The following ALG11 variants were observed in gnomAD, a reference collection of about 807,000 sequenced individuals.
ALG11 encodes the protein GDP-Man:Man(3)GlcNAc(2)-PP-Dol alpha-1,2-mannosyltransferase.
A neutral mutation model predicts 38.8 loss-of-function variants in ALG11; 26 were observed. That is an observed-to-expected ratio of 0.67 (90% CI 0.49 to 0.93). The LOEUF (loss-of-function observed/expected upper bound fraction) is 0.93. Ranked by LOEUF, ALG11 falls within the 40% of genes least tolerant of loss-of-function variation. ALG11 has a pLI of 0.00. For synonymous variants in ALG11, 199 were observed against 211.6 expected, an observed-to-expected ratio of 0.94 and a Z score of 0.52; for missense variants, 535 against 578.8, an observed-to-expected ratio of 0.92 and a Z score of 0.78.
chr13:52,030,162 A>G lies in ALG11; in HGVS notation c.*1572A>G. The G allele has an allele frequency of 1.2e-6, 2 of 1,614,208 alleles. No homozygotes were observed. The highest frequency in any genetic ancestry group is 1.7e-6 in the Non-Finnish European group (2 of 1,180,032). The stretch of plus-strand genomic sequence containing the variant: ...GAAACAAAAGATTCTAGCAGCCAGG[A>G]GGTGCTGTCCGAATTGAGGGCACTA... On this transcript the variant is annotated 3_prime_UTR_variant, in exon 4 of 4. Coordinates refer to ENST00000521508, the MANE Select transcript of ALG11 (RefSeq NM_001004127.3).
At position 52,028,703 on chromosome 13, in the gene ALG11, G is replaced by C; in HGVS notation, c.*113G>C. ...TCAAATCATTTTACTTTAGAAAACA[G>C]ACAAAATTTCCTTTTAGAATAAAAG... is the stretch of plus-strand genomic sequence containing the variant. On this transcript the variant is annotated 3_prime_UTR_variant, in exon 4 of 4. Transcript: ENST00000521508. The C allele has an allele frequency of 1.3e-6, 2 of 1,576,380 alleles. No individual in the cohort carries two copies. Among genetic ancestry groups the C allele is most frequent in the Non-Finnish European group, 1.7e-6 (2 of 1,154,916 alleles).
At chr13:52,012,561 G>T in intron 1 of ALG11, 99 bp downstream of exon 1, 1 of 1,511,164 alleles carries the variant, frequency 6.6e-7, no homozygotes, top group Admixed American at 1.8e-5. Flanking sequence ...GGCCTTCCTT[G>T]TCATGAATCT....
In ALG11 at chr13:52,029,320, T is replaced by C. The variant is rs372860533; in HGVS notation, c.*730T>C. On this transcript the variant is annotated 3_prime_UTR_variant, in exon 4 of 4. Coordinates refer to ENST00000521508, the MANE Select transcript of ALG11 (RefSeq NM_001004127.3). Reference sequence around the variant, plus strand: ...AGCCAGCCATTGCTCCCATTGAACATGCGCTCAGTGGCTGGAAGGCAAGAA... The same window carrying C: ...AGCCAGCCATTGCTCCCATTGAACACGCGCTCAGTGGCTGGAAGGCAAGAA... 29 of 1,614,030 alleles carry C rather than the reference T, an allele frequency of 1.8e-5. No individual in the cohort carries two copies. The highest frequency in any genetic ancestry group is 2.4e-5 in the Non-Finnish European group (28 of 1,180,032).
intron 2 of ALG11, chr13:52,023,610 A>G (rs2140837801): frequency 6.6e-6 from 1 of 152,412 alleles, no homozygotes; most frequent in South Asian, 2.1e-4. Context: ...AAAAAAAAAA[A>G]TCAAATCTTC....
rs748893269 is a variant in ALG11, at chr13:52,012,481, G to A, written c.44+19G>A. 6.9e-5 allele frequency: 111 copies of A among 1,613,958 alleles called. No homozygotes were observed. Among genetic ancestry groups the A allele is most frequent in the Non-Finnish European group, 8.9e-5 (105 of 1,180,050 alleles). ...TGTTGAGGTGAGCAGCCGGTCGTGT[G>A]GGCTCACAGACGTTTTCTCTTCTGT... On this transcript the variant is annotated intron_variant, in intron 1 of 3. Coordinates refer to ENST00000521508, the MANE Select transcript of ALG11 (RefSeq NM_001004127.3).
intron 1 of ALG11, among the ~76,000 whole-genome samples, chr13:52,013,137 G>A (rs760113532): frequency 1.3e-5 from 2 of 152,080 alleles, no homozygotes; most frequent in Non-Finnish European, 2.9e-5. Context: ...AAACTCCCAG[G>A]CTTTTTTCCA....
chr13:52,028,885 G>A lies in ALG11; in HGVS notation c.*295G>A, dbSNP rs1954268629. 6.2e-7 allele frequency: 1 copy of A among 1,614,228 alleles called. No homozygotes were observed. Among genetic ancestry groups the A allele is most frequent in the Non-Finnish European group, 8.5e-7 (1 of 1,180,034 alleles). ...TGGATTTGCCAAAAAACTACCCCTT[G>A]AGTGAAAATGAAGATGAGGGGGACA... On this transcript the variant is annotated 3_prime_UTR_variant, in exon 4 of 4. Coordinates refer to ENST00000521508, the MANE Select transcript of ALG11 (RefSeq NM_001004127.3).
Position 52,031,085 on chromosome 13 carries a change from A to G in ALG11, c.*2495A>G, listed in dbSNP as rs1302400768. 2 of 1,611,420 alleles carry G rather than the reference A, an allele frequency of 1.2e-6. No homozygotes were observed. The highest frequency in any genetic ancestry group is 2.2e-5 in the East Asian group (1 of 44,866). ...TCCAAAACGAATCACCACACGTCAC[A>G]ATAAAGAAGAAAAACTGTAGGTTGT... On this transcript the variant is annotated 3_prime_UTR_variant, in exon 4 of 4. Coordinates refer to ENST00000521508, the MANE Select transcript of ALG11 (RefSeq NM_001004127.3).
In ALG11 at chr13:52,029,007, T is replaced by C; in HGVS notation, c.*417T>C. The C allele has an allele frequency of 1.2e-6, 2 of 1,614,246 alleles. No individual in the cohort carries two copies. The highest frequency in any genetic ancestry group is 1.7e-6 in the Non-Finnish European group (2 of 1,180,038). ...TTGGCTGAGAGGTCTGAGGCTAGTC[T>C]GAAAGTGTCAGAGTTCAGTGTCAGT... On this transcript the variant is annotated 3_prime_UTR_variant, in exon 4 of 4. Transcript: ENST00000521508.
rs111716282 is a variant in ALG11, at chr13:52,012,487, A to G, written c.44+25A>G. 1.0e-3 allele frequency: 1,682 copies of G among 1,614,026 alleles called. 11 individuals carry two copies. The Middle Eastern group carries it at 0.014, about 14-fold the overall frequency. On this transcript the variant is annotated intron_variant, in intron 1 of 3. Coordinates refer to ENST00000521508, the MANE Select transcript of ALG11 (RefSeq NM_001004127.3). The stretch of plus-strand genomic sequence containing the variant: ...GGTGAGCAGCCGGTCGTGTGGGCTC[A>G]CAGACGTTTTCTCTTCTGTAGGGGT...
chr13:52,029,899 G>C lies in ALG11; in HGVS notation c.*1309G>C. On this transcript the variant is annotated 3_prime_UTR_variant, in exon 4 of 4. Transcript: ENST00000521508. ...CTCATGTAGCGAATGAAGTGCAGAT[G>C]AATGTGGACGGACCGAATCCCTGGA... 1 of 1,614,208 alleles carries C rather than the reference G, an allele frequency of 6.2e-7. No individual in the cohort carries two copies. The highest frequency in any genetic ancestry group is 8.5e-7 in the Non-Finnish European group (1 of 1,180,036).
Position 52,024,098 on chromosome 13 carries a change from G to A in ALG11, c.368G>A (p.Arg123Lys). ...LEGAFRRFNIRLIHPVQFVFL... is the reference protein window; with the variant it reads ...LEGAFRRFNIKLIHPVQFVFL... ...GGTGCTTTCAGAAGATTTAACATCA[G>A]ATTAATTCACCCAGTGCAGTTTGTT... is the stretch of plus-strand genomic sequence containing the variant. The change falls in exon 3 of 4, where the codon AGA becomes AAA. Residue 123 changes from arginine to lysine, a missense_variant. Transcript: ENST00000521508. 6.2e-7 allele frequency: 1 copy of A among 1,614,104 alleles called. No individual in the cohort carries two copies. The highest frequency in any genetic ancestry group is 8.5e-7 in the Non-Finnish European group (1 of 1,179,992).
At position 52,032,604 on chromosome 13, in the gene ALG11, C is replaced by G. The variant is rs1019725978; in HGVS notation, c.*4014C>G. On this transcript the variant is annotated 3_prime_UTR_variant, in exon 4 of 4. Coordinates refer to ENST00000521508, the MANE Select transcript of ALG11 (RefSeq NM_001004127.3). ...TCATTCATCAATGTGGCCAGCTTAT[C>G]TACTCCCAATTATGTTGTTGATACA... 10 of 167,080 alleles carry G rather than the reference C, an allele frequency of 6.0e-5. No individual in the cohort carries two copies. Among genetic ancestry groups the G allele is most frequent in the Admixed American group, 4.6e-4 (7 of 15,288 alleles). The allele number at this position is 167,080 out of a possible 1,614,324, so 10.3% of individuals were successfully genotyped here.
chr13:52,028,816 C>T lies in ALG11; in HGVS notation c.*226C>T, dbSNP rs1954267390. 3.1e-6 allele frequency: 5 copies of T among 1,614,204 alleles called. No homozygotes were observed. Among genetic ancestry groups the T allele is most frequent in the African/African-American group, 1.3e-5 (1 of 75,054 alleles). ...GGCTGGCTGCTGAGATGAATGTGAA[C>T]CAGGTTGCAGAGAATCTGGCTTTGA... On this transcript the variant is annotated 3_prime_UTR_variant, in exon 4 of 4. Coordinates refer to ENST00000521508, the MANE Select transcript of ALG11 (RefSeq NM_001004127.3).
chr13:52,016,692 C>T (rs1477295505), intron 1 of ALG11: 4 of 152,282 alleles, frequency 2.6e-5, no homozygotes, highest in South Asian at 4.1e-4. Flanking sequence ...ATTTGGGAAC[C>T]TCTACCTAGA....
chr13:52,015,488 G>A (rs1209589920), intron 1 of ALG11, among the ~76,000 whole-genome samples: 1 of 152,142 alleles, frequency 6.6e-6, no homozygotes, highest in South Asian at 2.1e-4. Context: ...TGGTTTGGCC[G>A]TGACCCCACC....
In ALG11 at chr13:52,031,635, TC is replaced by T. The variant is rs1229239781; in HGVS notation, c.*3046del. 1.2e-5 allele frequency: 2 copies of T among 171,650 alleles called. No individual in the cohort carries two copies. Among genetic ancestry groups the T allele is most frequent in the Non-Finnish European group, 2.8e-5 (2 of 70,742 alleles). 10.6% of individuals were successfully genotyped at this position (171,650 alleles called of 1,614,324 possible). Reference sequence around the variant, plus strand: ...ATTCAAGAGAACCTCAGGCTGTTTTTCTGACAGTGATGATATGATATACAGA... The same window carrying T: ...ATTCAAGAGAACCTCAGGCTGTTTTTTGACAGTGATGATATGATATACAGA... On this transcript the variant is annotated 3_prime_UTR_variant, in exon 4 of 4. Coordinates refer to ENST00000521508, the MANE Select transcript of ALG11 (RefSeq NM_001004127.3).
At chr13:52,018,843 G>A (rs1271456085) in intron 1 of ALG11, 70 bp from the exon 2 acceptor site, 8 of 1,297,944 alleles carry the variant, frequency 6.2e-6, no homozygotes, top group Non-Finnish European at 6.6e-6. Context: ...ATATGTAAAA[G>A]CAGACTTTAA....
rs762249565 is a variant in ALG11 at position 52,012,399 on chromosome 13, A to C, written c.-20A>C. ...GAAAAGGAAAGTGAAGCGTTTCCTG[A>C]GTTCGGGGGTCGGCGGAAGATGGCG... On this transcript the variant is annotated 5_prime_UTR_variant, in exon 1 of 4. Transcript: ENST00000521508. 2 of 1,613,974 alleles carry C rather than the reference A, an allele frequency of 1.2e-6. No individual in the cohort carries two copies. The highest frequency in any genetic ancestry group is 8.5e-7 in the Non-Finnish European group (1 of 1,180,038).
Sources: allele counts gnomAD v4.1 joint callset (sites outside exome capture counted in the v4.1 genomes callset), GRCh38; gene constraint gnomAD v4.1.1; transcripts MANE v1.5; gene names NCBI Gene and HGNC (gene_info 2026-07-23, HGNC 2026-07-21).